BCL2L1: variants seen among roughly 807,000 people sequenced by gnomAD.
BCL2L1 encodes the protein bcl-2-like protein 1.
Under a neutral mutation model 18.7 loss-of-function variants are expected in BCL2L1, and 1 was observed. The observed-to-expected ratio is 0.05, with a 90% confidence interval of 0.02 to 0.25. BCL2L1 has a LOEUF of 0.25. BCL2L1 is among the 10% of genes least tolerant of loss of function. The pLI is 1.00. For synonymous variants in BCL2L1, 103 were observed against 122.7 expected (o/e 0.84, Z 1.06); for missense variants, 207 against 304.9 (o/e 0.68, Z 2.39).
intron 2 of BCL2L1, among the ~76,000 whole-genome samples, chr20:31,697,866 C>T (rs1352025669): frequency 1.4e-5 from 2 of 138,764 alleles, no homozygotes; most frequent in East Asian, 1.9e-4. Context: ...AACCACTGAA[C>T]AGAATCCTCA....
chr20:31,698,279 C>T (rs1202453101), intron 2 of BCL2L1, among the ~76,000 whole-genome samples: 4 of 152,080 alleles, frequency 2.6e-5, no homozygotes, highest in South Asian at 2.1e-4. Context: ...TTTGCTCTGT[C>T]GCCCAGGTTG....
chr20:31,712,752 G>A (rs1455625916), intron 2 of BCL2L1, among the ~76,000 whole-genome samples: 1 of 152,092 alleles, frequency 6.6e-6, no homozygotes, highest in South Asian at 2.1e-4. Context: ...TGCCTGACTC[G>A]GGGGAACAAA....
At chr20:31,676,668 C>G (rs896984065) in intron 2 of BCL2L1, among the ~76,000 whole-genome samples, 4 of 152,160 alleles carry the variant, frequency 2.6e-5, no homozygotes, top group South Asian at 2.1e-4. Context: ...GCATGCCCAT[C>G]CAACCTTCCA....
At chr20:31,692,258 A>T (rs6121122) in intron 2 of BCL2L1, among the ~76,000 whole-genome samples, 2,331 of 152,350 alleles carry the variant, frequency 0.015, 62 homozygotes, top group African/African-American at 0.053. Flanking sequence ...TGTGCAGGAG[A>T]CACAAACAGT....
intron 2 of BCL2L1, among the ~76,000 whole-genome samples, chr20:31,680,255 A>G (rs533345241): frequency 6.6e-6 from 1 of 152,350 alleles, no homozygotes; most frequent in African/African-American, 2.4e-5. Flanking sequence ...GCAACAGGAT[A>G]CATGAAGAGA....
upstream of BCL2L1, chr20:31,723,114 G>T (rs2061664353): frequency 5.5e-6 from 1 of 183,448 alleles, no homozygotes; most frequent in African/African-American, 2.4e-5. Flanking sequence ...GGGACGCAGG[G>T]AGGGGGAAAC....
At chr20:31,685,840 G>A (rs1033029319) in intron 2 of BCL2L1, among the ~76,000 whole-genome samples, 3 of 152,146 alleles carry the variant, frequency 2.0e-5, no homozygotes, top group African/African-American at 7.2e-5. Flanking sequence ...AACTTACTGT[G>A]TAACAATGGC....
chr20:31,702,881 G>C (rs2061304002), intron 2 of BCL2L1, among the ~76,000 whole-genome samples: 1 of 149,388 alleles, frequency 6.7e-6, no homozygotes, highest in Non-Finnish European at 1.5e-5. Context: ...GGGAGGCGGA[G>C]GTTGCAGTGA....
At chr20:31,689,824 T>C (rs1289620093) in intron 2 of BCL2L1, among the ~76,000 whole-genome samples, 2 of 152,246 alleles carry the variant, frequency 1.3e-5, no homozygotes, top group Non-Finnish European at 2.9e-5. Context: ...AAGACCACCC[T>C]GACCAACATG....
intron 2 of BCL2L1, chr20:31,713,377 G>T (rs1335869818): frequency 2.4e-5 from 24 of 985,192 alleles, no homozygotes; most frequent in Non-Finnish European, 2.9e-5. Flanking sequence ...GCAGGGACAC[G>T]TCCAAAAAAA....
intron 2 of BCL2L1, among the ~76,000 whole-genome samples, chr20:31,718,842 CAG>C (rs1358361936): frequency 1.3e-5 from 2 of 152,126 alleles, no homozygotes; most frequent in Non-Finnish European, 2.9e-5. Context: ...GTTATCAGTC[CAG>C]AGTGAGCACC....
At position 31,668,544 on chromosome 20, in the gene BCL2L1, T is replaced by G. The variant is rs187066198; in HGVS notation, c.565-2458A>C. Among the ~76,000 whole-genome samples, 563 of 151,754 alleles carry G rather than the reference T, an allele frequency of 3.7e-3. 3 individuals carry two copies. The highest frequency in any genetic ancestry group is 0.013 in the African/African-American group (532 of 41,348). ...CTGGTCTCAAACTCCTGACCTCAAG[T>G]GATCCGCCCACGGCCTCCCAAAGTG... On this transcript the variant is annotated intron_variant, in intron 2 of 2. Coordinates refer to ENST00000307677, the MANE Select transcript of BCL2L1 (RefSeq NM_138578.3).
chr20:31,681,491 A>C (rs1568860968), intron 2 of BCL2L1, among the ~76,000 whole-genome samples: 1 of 152,220 alleles, frequency 6.6e-6, no homozygotes, highest in Non-Finnish European at 1.5e-5. Flanking sequence ...TTACAAAAAA[A>C]TGACACAAAG....
chr20:31,723,840 C>G, upstream of BCL2L1: 1 of 985,476 alleles, frequency 1.0e-6, no homozygotes, highest in Non-Finnish European at 1.2e-6. Context: ...GGACCCGGGC[C>G]GGCCTACCTG....
chr20:31,677,346 TA>T (rs2060781414), intron 2 of BCL2L1, among the ~76,000 whole-genome samples: 1 of 152,000 alleles, frequency 6.6e-6, no homozygotes, highest in Non-Finnish European at 1.5e-5. Flanking sequence ...CATGCCTGGC[TA>T]ATTTTTTTGT....
At chr20:31,721,093 C>T (rs937278603) in intron 2 of BCL2L1, among the ~76,000 whole-genome samples, 1 of 152,224 alleles carries the variant, frequency 6.6e-6, no homozygotes, top group African/African-American at 2.4e-5. Flanking sequence ...CTCAGCCATT[C>T]AACCCAGTGG....
intron 2 of BCL2L1, among the ~76,000 whole-genome samples, chr20:31,676,435 CCAAA>C (rs2060762770): frequency 6.6e-6 from 1 of 152,150 alleles, no homozygotes; most frequent in African/African-American, 2.4e-5. Context: ...TCTCCAGAGT[CCAAA>C]CATTTAACTG....
At chr20:31,677,849 G>A (rs6060644) in intron 2 of BCL2L1, among the ~76,000 whole-genome samples, 44,483 of 152,042 alleles carry the variant, frequency 0.29, 8,211 homozygotes, top group African/African-American at 0.51. Flanking sequence ...TCTGACCATG[G>A]GCTCTGTCCC....
At chr20:31,723,854 G>C (rs1179978934), upstream of BCL2L1, 1 of 985,460 alleles carries the variant, frequency 1.0e-6, no homozygotes. Flanking sequence ...CTACCTGGCT[G>C]CCGGCCTACC....
Sources: allele counts gnomAD v4.1 joint callset (sites outside exome capture counted in the v4.1 genomes callset), GRCh38; gene constraint gnomAD v4.1.1; transcripts MANE v1.5; gene names NCBI Gene and HGNC (gene_info 2026-07-23, HGNC 2026-07-21).